TBP: variants seen among roughly 807,000 people sequenced by gnomAD.
The protein encoded by TBP is TATA-box binding protein.
Under a neutral mutation model 46.2 loss-of-function variants are expected in TBP, and 12 were observed. The ratio of observed to expected loss-of-function variants is 0.26; its 90% CI spans 0.17 to 0.42. TBP has a LOEUF of 0.42. Among genes scored for constraint, TBP ranks in the 10% least tolerant of loss-of-function variants. The pLI is 1.00. For missense variants in TBP, 229 were observed against 403.1 expected, an observed-to-expected ratio of 0.57 and a Z score of 3.70; for synonymous variants, 157 against 148.3, an observed-to-expected ratio of 1.06 and a Z score of -0.42.
Position 170,564,531 on chromosome 6 carries a change from T to TA in TBP, c.498-11dup. 6.4e-7 allele frequency: 1 copy of TA among 1,574,140 alleles called. No homozygotes were observed. Among genetic ancestry groups the TA allele is most frequent in the Non-Finnish European group, 8.6e-7 (1 of 1,157,298 alleles). On this transcript the variant is annotated splice_polypyrimidine_tract_variant and intron_variant, in intron 3 of 7. Transcript: ENST00000392092. ...AATTTAAATAGTCGTGTTTTCTTTT[T>TA]AAATCTCTTACAGAAATATTGTATC...
At chr6:170,557,735 CAAAAAAAA>C (rs35269766) in intron 2 of TBP, among the ~76,000 whole-genome samples, 15 of 52,000 alleles carry the variant, frequency 2.9e-4, no homozygotes, top group East Asian at 5.6e-4. Context: ...GACTCTGTCT[CAAAAAAAA>C]AAAAAAAAAA....
In TBP at chr6:170,572,464, G is replaced by A. The variant is rs1382669386; in HGVS notation, c.*199G>A. The stretch of plus-strand genomic sequence containing the variant: ...GCATTATTTGTGCACTGAGAACACC[G>A]CGCAGCGTGACTGTGAGTTGCTCAT... On this transcript the variant is annotated 3_prime_UTR_variant, in exon 8 of 8. Transcript: ENST00000392092. 40 of 595,470 alleles carry A rather than the reference G, an allele frequency of 6.7e-5. No homozygotes were observed. In the Admixed American group the frequency reaches 1.1e-3, roughly 16 times the overall value. The allele number at this position is 595,470 out of a possible 1,614,324, so 36.9% of individuals were successfully genotyped here. A position where few individuals can be genotyped will look rare whatever the true frequency, so the allele number is the denominator to read the frequency against.
intron 2 of TBP, among the ~76,000 whole-genome samples, chr6:170,559,171 A>T (rs1427883782): frequency 6.6e-6 from 1 of 152,182 alleles, no homozygotes; most frequent in African/African-American, 2.4e-5. Flanking sequence ...GAGACACAAC[A>T]ATATGGAAAT....
chr6:170,556,995 A>C lies in TBP; in HGVS notation c.-35A>C, dbSNP rs777089714. 1 of 1,611,484 alleles carries C rather than the reference A, an allele frequency of 6.2e-7. No homozygotes were observed. The highest frequency in any genetic ancestry group is 8.5e-7 in the Non-Finnish European group (1 of 1,178,198). ...GAATAGTGAGACGAGTTCCAGCGCAAGGGTTTCTGGTTTGCCAAGAAGAAA... is the reference window on the plus strand; with the variant it reads ...GAATAGTGAGACGAGTTCCAGCGCACGGGTTTCTGGTTTGCCAAGAAGAAA... On this transcript the variant is annotated 5_prime_UTR_variant, in exon 2 of 8. Transcript: ENST00000392092.
At chr6:170,558,982 G>C (rs1246256006) in intron 2 of TBP, among the ~76,000 whole-genome samples, 1 of 152,218 alleles carries the variant, frequency 6.6e-6, no homozygotes, top group Non-Finnish European at 1.5e-5. Context: ...ACTGTGCCTA[G>C]TCAAACCTTT....
At chr6:170,571,288 A>G (rs1036796117) in intron 6 of TBP, 122 bp from the exon 7 acceptor site, 16 of 675,580 alleles carry the variant, frequency 2.4e-5, no homozygotes, top group Middle Eastern at 4.1e-4. Context: ...TGCTGCTTGA[A>G]GAACTGTGTT....
At position 170,569,678 on chromosome 6, in the gene TBP, T is replaced by G; in HGVS notation, c.744T>G (p.Ala248=). The change falls in exon 6 of 8, where the codon GCT becomes GCG. Residue 248 remains alanine, a synonymous_variant. Transcript: ENST00000392092. ...ARVVQKLGFP[A]KFLDFKIQNM... ...TTGTACAGAAGTTGGGTTTTCCAGCTAAGTTCTTGGACTTCAAGATTCAGA... is the reference window on the plus strand; with the variant it reads ...TTGTACAGAAGTTGGGTTTTCCAGCGAAGTTCTTGGACTTCAAGATTCAGA... 6.2e-7 allele frequency: 1 copy of G among 1,614,174 alleles called. No individual in the cohort carries two copies. The highest frequency in any genetic ancestry group is 8.5e-7 in the Non-Finnish European group (1 of 1,180,008).
chr6:170,557,160 G>A, intron 2 of TBP, 77 bp downstream of exon 2: 1 of 1,339,468 alleles, frequency 7.5e-7, no homozygotes. Context: ...GCAAGGAAGG[G>A]CATTTAATGA....
chr6:170,569,148 C>T (rs1451029233), intron 5 of TBP, among the ~76,000 whole-genome samples: 1 of 152,102 alleles, frequency 6.6e-6, no homozygotes, highest in Non-Finnish European at 1.5e-5. Context: ...CTCTGAACTG[C>T]TAAGTCGTAG....
chr6:170,568,576 TC>T (rs1779309084), intron 5 of TBP, among the ~76,000 whole-genome samples: 1 of 151,880 alleles, frequency 6.6e-6, no homozygotes, highest in Non-Finnish European at 1.5e-5. Flanking sequence ...TGCCTCAGCC[TC>T]CCGAGTAGCA....
Position 170,572,803 on chromosome 6 carries a change from T to C in TBP, c.*538T>C, listed in dbSNP as rs1712076600. 1 of 153,246 alleles carries C rather than the reference T, an allele frequency of 6.5e-6. No individual in the cohort carries two copies. The highest frequency in any genetic ancestry group is 2.1e-4 in the South Asian group (1 of 4,858). 9.5% of individuals were successfully genotyped at this position (153,246 alleles called of 1,614,324 possible). On this transcript the variant is annotated 3_prime_UTR_variant, in exon 8 of 8. Coordinates refer to ENST00000392092, the MANE Select transcript of TBP (RefSeq NM_003194.5). ...GTTAATGAAAATGAATGGCTGTACA[T>C]ATTTTTTTCTTTCTTCAGAGTACTC...
rs748740885 is a variant in TBP, at chr6:170,566,961, C to T, written c.629C>T (p.Thr210Met). The change falls in exon 5 of 8, where the codon ACG becomes ATG. Residue 210 changes from threonine (T) to methionine (M), a missense_variant. Around this residue, in one of 4 missense-constraint regions of TBP, gnomAD observed 67 missense variants for 188.2 expected, o/e 0.36. Coordinates refer to ENST00000392092, the MANE Select transcript of TBP (RefSeq NM_003194.5). Reference protein sequence around the residue: ...VIMRIREPRTTALIFSSGKMV... With the variant: ...VIMRIREPRTMALIFSSGKMV... ...ATGAGGATAAGAGAGCCACGAACCA[C>T]GGCACTGATTTTCAGTTCTGGGAAA... is the stretch of plus-strand genomic sequence containing the variant. 3 of 1,613,664 alleles carry T rather than the reference C, an allele frequency of 1.9e-6. No homozygotes were observed. The highest frequency in any genetic ancestry group is 2.5e-6 in the Non-Finnish European group (3 of 1,179,778).
intron 6 of TBP, among the ~76,000 whole-genome samples, chr6:170,570,630 C>G (rs1779350361): frequency 6.6e-6 from 1 of 152,130 alleles, no homozygotes; most frequent in South Asian, 2.1e-4. Context: ...TTCAGGAGTT[C>G]AAGACCAGCC....
intron 4 of TBP, 142 bp downstream of exon 4, chr6:170,564,774 A>G (rs1185718211): frequency 5.1e-6 from 2 of 393,924 alleles, no homozygotes; most frequent in Non-Finnish European, 8.8e-6. Context: ...TAATCCCAGC[A>G]CTTTGGGAGG....
At chr6:170,571,201 G>A (rs1008008723) in intron 6 of TBP, among the ~76,000 whole-genome samples, 1 of 152,148 alleles carries the variant, frequency 6.6e-6, no homozygotes, top group African/African-American at 2.4e-5. Context: ...AGGACAAATA[G>A]CCTTCCATCC....
At chr6:170,556,474 A>AGG (rs1027100501) in intron 1 of TBP, among the ~76,000 whole-genome samples, 1 of 152,094 alleles carries the variant, frequency 6.6e-6, no homozygotes, top group Admixed American at 6.6e-5. Context: ...GACATTGTAG[A>AGG]GGATGTAAAA....
chr6:170,572,341 T>A lies in TBP; in HGVS notation c.*76T>A. On this transcript the variant is annotated 3_prime_UTR_variant, in exon 8 of 8. Coordinates refer to ENST00000392092, the MANE Select transcript of TBP (RefSeq NM_003194.5). ...AACAAATCAGTTTGTTTTGGTACCT[T>A]TAAATGGTGGTGTTGTGAGAAGATG... 2 of 1,207,922 alleles carry A rather than the reference T, an allele frequency of 1.7e-6. No individual in the cohort carries two copies. The highest frequency in any genetic ancestry group is 4.7e-5 in the East Asian group (2 of 42,872). 74.8% of individuals were successfully genotyped at this position (1,207,922 alleles called of 1,614,324 possible).
chr6:170,571,532 A>G (rs1388951961), intron 7 of TBP, 28 bp downstream of exon 7: 1 of 1,536,168 alleles, frequency 6.5e-7, no homozygotes, highest in Admixed American at 1.7e-5. Flanking sequence ...GTAGTATCTG[A>G]AAGTTTGTAA....
rs1239223001 is a variant in TBP, at chr6:170,572,421, G to A, written c.*156G>A. On this transcript the variant is annotated 3_prime_UTR_variant, in exon 8 of 8. Transcript: ENST00000392092. Reference sequence around the variant, plus strand: ...TGATGCCCTTCTGTAAGTGCCCACCGCGGGATGCCGGGAAGGGGCATTATT... The same window carrying A: ...TGATGCCCTTCTGTAAGTGCCCACCACGGGATGCCGGGAAGGGGCATTATT... 9.2e-6 allele frequency: 6 copies of A among 648,796 alleles called. No individual in the cohort carries two copies. The highest frequency in any genetic ancestry group is 2.8e-5 in the Admixed American group (1 of 35,406). The allele number at this position is 648,796 out of a possible 1,614,324, so 40.2% of individuals were successfully genotyped here. A position where few individuals can be genotyped will look rare whatever the true frequency, so the allele number is the denominator to read the frequency against.
Sources: allele counts gnomAD v4.1 joint callset (sites outside exome capture counted in the v4.1 genomes callset), GRCh38; gene constraint gnomAD v4.1.1; regional missense constraint gnomAD v4.1.1; transcripts MANE v1.5; gene names NCBI Gene and HGNC (gene_info 2026-07-23, HGNC 2026-07-21).